The following RNF216 variants were observed in gnomAD, a reference collection of about 807,000 sequenced individuals.
The protein encoded by RNF216 is ring finger protein 216.
A neutral mutation model predicts 110.8 loss-of-function variants in RNF216; 72 were observed. The ratio of observed to expected loss-of-function variants is 0.65; its 90% confidence interval spans 0.54 to 0.79. The LOEUF (loss-of-function observed/expected upper bound fraction) is 0.79, where lower values mean the gene tolerates loss of function less well. Ranked by LOEUF, RNF216 falls within the 30% of genes least tolerant of loss-of-function variation. The pLI is 0.00. For synonymous variants in RNF216, 495 were observed against 407.5 expected, an observed-to-expected ratio of 1.21 and a Z score of -2.59; for missense variants, 1,342 against 1,141.2, an observed-to-expected ratio of 1.18 and a Z score of -2.54.
chr7:5,692,169 G>A (rs868329060), intron 13 of RNF216, among the ~76,000 whole-genome samples: 7 of 152,252 alleles, frequency 4.6e-5, no homozygotes, highest in Admixed American at 3.3e-4. Context: ...GGAGCTGGAA[G>A]AGGGAACTAT....
At chr7:5,656,603 T>C (rs1032906837) in intron 13 of RNF216, among the ~76,000 whole-genome samples, 11 of 152,158 alleles carry the variant, frequency 7.2e-5, no homozygotes, top group Admixed American at 5.2e-4. Flanking sequence ...TGTTAACAAG[T>C]AGCCCGCCAG....
At chr7:5,628,995 A>T (rs933980333) in intron 15 of RNF216, among the ~76,000 whole-genome samples, 4 of 151,550 alleles carry the variant, frequency 2.6e-5, no homozygotes, top group Non-Finnish European at 5.9e-5. Context: ...CCAGGAGTTA[A>T]GAGACCAGTG....
chr7:5,755,152 GGAA>G (rs140399578), intron 2 of RNF216, among the ~76,000 whole-genome samples: 36,530 of 145,984 alleles, frequency 0.25, 5,761 homozygotes, highest in Admixed American at 0.36. Flanking sequence ...AAGGAAAGAA[GGAA>G]GGAGAAAGGA....
intron 15 of RNF216, among the ~76,000 whole-genome samples, chr7:5,632,820 A>G (rs1179775951): frequency 2.6e-5 from 4 of 152,172 alleles, no homozygotes; most frequent in East Asian, 3.9e-4. Flanking sequence ...TCGCTACTCC[A>G]GAAGGTGTAC....
intron 5 of RNF216, among the ~76,000 whole-genome samples, chr7:5,737,992 CAGG>C (rs1794526106): frequency 6.7e-6 from 1 of 149,020 alleles, no homozygotes; most frequent in Admixed American, 6.8e-5. Context: ...GGAGACTGAG[CAGG>C]AGAACTGCTT....
intron 3 of RNF216, among the ~76,000 whole-genome samples, chr7:5,743,171 G>C (rs930746543): frequency 6.6e-6 from 1 of 152,196 alleles, no homozygotes; most frequent in East Asian, 1.9e-4. Context: ...TGACGGAGCA[G>C]AATTGCTTGA....
rs139382416 is a variant in RNF216 at position 5,637,889 on chromosome 7, T to C, written c.2382+3265A>G. The stretch of plus-strand genomic sequence containing the variant: ...AAGATCAAGTCTTGTTCTGTTGTCC[T>C]GGGTGGAGTGCGGTGGCGCGATCTT... On this transcript the variant is annotated intron_variant, in intron 15 of 16. Transcript: ENST00000389902. Among the ~76,000 whole-genome samples, 342 of 152,338 alleles carry C rather than the reference T, an allele frequency of 2.2e-3. 1 individual carries two copies. The highest frequency in any genetic ancestry group is 4.1e-3 in the Non-Finnish European group (282 of 68,028).
chr7:5,705,917 T>TA (rs1792250957), intron 13 of RNF216, among the ~76,000 whole-genome samples: 1 of 143,952 alleles, frequency 6.9e-6, no homozygotes, highest in Non-Finnish European at 1.5e-5. Flanking sequence ...CAACAAAAAC[T>TA]AAAACAAAAC....
intron 15 of RNF216, among the ~76,000 whole-genome samples, chr7:5,631,463 C>A (rs1787066447): frequency 6.6e-6 from 1 of 152,188 alleles, no homozygotes; most frequent in Admixed American, 6.5e-5. Context: ...TCACTGGTCT[C>A]CAGTGGCCTC....
chr7:5,685,056 C>G (rs1222324580), intron 13 of RNF216, among the ~76,000 whole-genome samples: 1 of 152,142 alleles, frequency 6.6e-6, no homozygotes, highest in Non-Finnish European at 1.5e-5. Flanking sequence ...GAGCCACGCT[C>G]TGGATGAAGG....
intron 13 of RNF216, among the ~76,000 whole-genome samples, chr7:5,692,129 T>TA (rs1319411118): frequency 1.3e-5 from 2 of 152,256 alleles, no homozygotes; most frequent in Non-Finnish European, 2.9e-5. Flanking sequence ...GGAAAAGGCT[T>TA]AGCACGGCTA....
At chr7:5,710,713 A>G (rs1394519931) in intron 13 of RNF216, among the ~76,000 whole-genome samples, 1 of 152,168 alleles carries the variant, frequency 6.6e-6, no homozygotes, top group Non-Finnish European at 1.5e-5. Context: ...CCCGGGGCCT[A>G]GAACATTTCT....
At chr7:5,726,979 A>G (rs150996218) in intron 7 of RNF216, among the ~76,000 whole-genome samples, 2,928 of 152,240 alleles carry the variant, frequency 0.019, 43 homozygotes, top group Non-Finnish European at 0.031. Context: ...GCAAGAGAAG[A>G]AGGAAGAGTG....
chr7:5,777,169 G>A (rs1352206535), intron 1 of RNF216, among the ~76,000 whole-genome samples: 2 of 152,156 alleles, frequency 1.3e-5, no homozygotes, highest in Admixed American at 6.6e-5. Flanking sequence ...GAACGAAGAA[G>A]ACATTGTGGA....
At chr7:5,726,237 C>T (rs1332888908) in intron 7 of RNF216, among the ~76,000 whole-genome samples, 2 of 152,198 alleles carry the variant, frequency 1.3e-5, no homozygotes, top group African/African-American at 2.4e-5. Context: ...GATTGCGCCA[C>T]TGCACTCCAT....
chr7:5,717,504 T>C (rs1372710027), intron 9 of RNF216, among the ~76,000 whole-genome samples: 1 of 152,188 alleles, frequency 6.6e-6, no homozygotes, highest in Non-Finnish European at 1.5e-5. Flanking sequence ...TCAATGCCAC[T>C]TCCAAGAGTC....
chr7:5,661,682 A>G (rs1354693665), intron 13 of RNF216, among the ~76,000 whole-genome samples: 1 of 152,142 alleles, frequency 6.6e-6, no homozygotes, highest in Non-Finnish European at 1.5e-5. Flanking sequence ...GCAAGTCTAT[A>G]ATCCCAGCTA....
chr7:5,685,047 A>G (rs1297719025), intron 13 of RNF216, among the ~76,000 whole-genome samples: 1 of 152,044 alleles, frequency 6.6e-6, no homozygotes, highest in African/African-American at 2.4e-5. Context: ...GCTGATGGTG[A>G]GCCACGCTCT....
chr7:5,685,107 G>C (rs1790895269), intron 13 of RNF216, among the ~76,000 whole-genome samples: 1 of 152,146 alleles, frequency 6.6e-6, no homozygotes, highest in Admixed American at 6.5e-5. Flanking sequence ...TTGGGTCCTG[G>C]TGGCTCACTC....
Sources: allele counts gnomAD v4.1 joint callset (sites outside exome capture counted in the v4.1 genomes callset), GRCh38; gene constraint gnomAD v4.1.1; transcripts MANE v1.5; gene names NCBI Gene and HGNC (gene_info 2026-07-23, HGNC 2026-07-21).